The following DNAH1 variants were observed in gnomAD, a reference collection of about 807,000 sequenced individuals.
The protein encoded by DNAH1 is dynein axonemal heavy chain 1, also known as axonemal beta dynein heavy chain 1.
In DNAH1, 327 loss-of-function variants were observed where a neutral mutation model predicts 484.3. That is an observed-to-expected ratio of 0.68 (90% CI 0.62 to 0.74). The LOEUF (loss-of-function observed/expected upper bound fraction) is 0.74. Ranked by LOEUF, DNAH1 falls within the 30% of genes least tolerant of loss-of-function variation. DNAH1 has a pLI of 0.00. For missense variants in DNAH1, 5,052 were observed against 5,546.8 expected (o/e 0.91, Z 2.83); for synonymous variants, 2,192 against 2,191.9 (o/e 1.00, Z 0.00).
At chr3:52,340,970 T>C (rs1375480988) in intron 8 of DNAH1, among the ~76,000 whole-genome samples, 1 of 151,728 alleles carries the variant, frequency 6.6e-6, no homozygotes, top group Non-Finnish European at 1.5e-5. Context: ...CTTCCTTCCT[T>C]CCTCCCTCCC....
chr3:52,347,706 G>A (rs1285074800), intron 11 of DNAH1, 118 bp from the exon 12 acceptor site: 1 of 1,239,186 alleles, frequency 8.1e-7, no homozygotes, highest in Non-Finnish European at 1.1e-6. Flanking sequence ...GAAGGAGAAG[G>A]CAAGTATTGT....
In DNAH1 at chr3:52,369,833, C is replaced by T. The variant is rs1163519078; in HGVS notation, c.5952C>T (p.Thr1984=). 5 of 1,607,902 alleles carry T rather than the reference C, an allele frequency of 3.1e-6. No individual in the cohort carries two copies. The highest frequency in any genetic ancestry group is 4.3e-6 in the Non-Finnish European group (5 of 1,175,454). ...GEIIKLTEAM[T]MMFEVQDLAV... Reference sequence around the variant, plus strand: ...GTTCGTCTTGGCACCAGGCAATGACCATGATGTTCGAGGTGCAAGACCTGG... The same window carrying T: ...GTTCGTCTTGGCACCAGGCAATGACTATGATGTTCGAGGTGCAAGACCTGG... The change falls in exon 38 of 78, where the codon ACC becomes ACT. Residue 1984 remains threonine, a synonymous_variant. Transcript: ENST00000420323.
At chr3:52,392,067 G>A (rs1704414606) in intron 63 of DNAH1, among the ~76,000 whole-genome samples, 1 of 152,218 alleles carries the variant, frequency 6.6e-6, no homozygotes, top group South Asian at 2.1e-4. Context: ...CAGCCCATAG[G>A]CCTGCTTTGT....
In DNAH1 at chr3:52,385,355, G is replaced by C; in HGVS notation, c.8533G>C (p.Asp2845His). 2 of 1,552,474 alleles carry C rather than the reference G, an allele frequency of 1.3e-6. No homozygotes were observed. Among genetic ancestry groups the C allele is most frequent in the Non-Finnish European group, 1.7e-6 (2 of 1,147,390 alleles). The change falls in exon 54 of 78, where the codon GAT becomes CAT. Residue 2845 changes from aspartate to histidine, a missense_variant. Coordinates refer to ENST00000420323, the MANE Select transcript of DNAH1 (RefSeq NM_015512.5). Reference sequence around the variant, plus strand: ...CCCCTAGCTGCTGCGCACTTCTGAGGATGTAGCCAAGATGCAGGAGGACCT... The same window carrying C: ...CCCCTAGCTGCTGCGCACTTCTGAGCATGTAGCCAAGATGCAGGAGGACCT... ...GLDKLLRTSE[D>H]VAKMQEDLES...
chr3:52,352,493 A>T, intron 17 of DNAH1, 59 bp from the exon 18 acceptor site: 1 of 1,568,004 alleles, frequency 6.4e-7, no homozygotes, highest in Non-Finnish European at 8.7e-7. Flanking sequence ...TTTGCATGGG[A>T]AGGCCTGGAC....
At position 52,364,062 on chromosome 3, in the gene DNAH1, T is replaced by C. The variant is rs1487861547; in HGVS notation, c.5245-576T>C. ...GTCAAGCCCAGCCTCTTCATGCAGC[T>C]CCAAGTCCGAGATTTCTGGAACATA... On this transcript the variant is annotated intron_variant, in intron 32 of 77. Transcript: ENST00000420323. This position sits in a 1 kb window ranked among gnomAD's most constrained non-coding sequence, Gnocchi z 4.2. Among the ~76,000 whole-genome samples the C allele has an allele frequency of 6.6e-6, 1 of 152,214 alleles. No homozygotes were observed. The highest frequency in any genetic ancestry group is 1.5e-5 in the Non-Finnish European group (1 of 68,034).
Position 52,346,519 on chromosome 3 carries a change from C to G in DNAH1, c.1704C>G (p.Ala568=), listed in dbSNP as rs1206321186. 1.2e-6 allele frequency: 2 copies of G among 1,613,616 alleles called. No individual in the cohort carries two copies. The highest frequency in any genetic ancestry group is 1.7e-6 in the Non-Finnish European group (2 of 1,179,722). ...GCTGGATCAGCTCGCTAAAGGTGGC[C>G]ATGCGCAGCAGCCTGCGCGACATGA... ...KDSWISSLKV[A]MRSSLRDMSK... is the part of the protein sequence containing the mutation. Residue 568 remains alanine (A), a synonymous_variant, in exon 11 of 78, where the codon GCC becomes GCG. Coordinates refer to ENST00000420323, the MANE Select transcript of DNAH1 (RefSeq NM_015512.5).
chr3:52,376,672 A>T (rs1360295776), intron 46 of DNAH1, among the ~76,000 whole-genome samples: 4 of 151,560 alleles, frequency 2.6e-5, no homozygotes, highest in Non-Finnish European at 5.9e-5. Context: ...CATCTCAACC[A>T]CCAAATGCAA....
intron 67 of DNAH1, 52 bp downstream of exon 67, chr3:52,394,713 C>G: frequency 6.5e-7 from 1 of 1,530,646 alleles, no homozygotes; most frequent in Non-Finnish European, 8.8e-7. Context: ...GGGATGAGTC[C>G]CTAGGAAAGG....
At position 52,327,103 on chromosome 3, in the gene DNAH1, T is replaced by G. The variant is rs1701374790; in HGVS notation, c.738+212T>G. Reference sequence around the variant, plus strand: ...CCCCCAGCCCCCCTAGAATGCTGAGTCTTTGCTTCTTCCCTGGGCAGCCTG... The same window carrying G: ...CCCCCAGCCCCCCTAGAATGCTGAGGCTTTGCTTCTTCCCTGGGCAGCCTG... On this transcript the variant is annotated intron_variant, in intron 5 of 77. Transcript: ENST00000420323. Among the ~76,000 whole-genome samples the G allele has an allele frequency of 2.0e-5, 3 of 150,670 alleles. 1 individual carries two copies. The South Asian group carries it at 6.4e-4, about 32-fold the overall frequency.
intron 3 of DNAH1, among the ~76,000 whole-genome samples, 183 bp from the exon 4 acceptor site, chr3:52,325,957 A>T (rs1701321714): frequency 6.6e-6 from 1 of 152,214 alleles, no homozygotes; most frequent in Non-Finnish European, 1.5e-5. Flanking sequence ...CTCCAGGCTC[A>T]TAGCCCCAGG....
intron 4 of DNAH1, 113 bp downstream of exon 4, chr3:52,326,427 A>G: frequency 1.5e-6 from 2 of 1,297,880 alleles, no homozygotes; most frequent in East Asian, 5.0e-5. Flanking sequence ...GCCTGTGCAC[A>G]AGTGTTTAGA....
Position 52,350,704 on chromosome 3 carries a change from A to G in DNAH1, c.2729+114A>G, listed in dbSNP as rs112952774. The G allele has an allele frequency of 6.7e-5, 66 of 984,618 alleles. 2 individuals carry two copies. The highest frequency in any genetic ancestry group is 4.3e-4 in the African/African-American group (27 of 62,270). The allele number at this position is 984,618 out of a possible 1,614,324, so 61.0% of individuals were successfully genotyped here. A position where few individuals can be genotyped will look rare whatever the true frequency, so the allele number is the denominator to read the frequency against. On this transcript the variant is annotated intron_variant, in intron 16 of 77. Transcript: ENST00000420323. ...CCACAGTCTGTGCAATCTCCCCAGAAACACCCCACTGAGATTTCAGAGGCC... is the reference window on the plus strand; with the variant it reads ...CCACAGTCTGTGCAATCTCCCCAGAGACACCCCACTGAGATTTCAGAGGCC...
chr3:52,382,237 C>G, intron 49 of DNAH1, 83 bp from the exon 50 acceptor site: 1 of 1,604,184 alleles, frequency 6.2e-7, no homozygotes, highest in Non-Finnish European at 8.5e-7. Context: ...TCCAGGTGGT[C>G]AGGGTAGGGT....
At position 52,365,088 on chromosome 3, in the gene DNAH1, A is replaced by G. The variant is rs1322785352; in HGVS notation, c.5518+69A>G. The G allele has an allele frequency of 3.2e-6, 5 of 1,547,458 alleles. No homozygotes were observed. In the East Asian group the frequency reaches 9.1e-5, roughly 28 times the overall value. On this transcript the variant is annotated intron_variant, in intron 34 of 77. Transcript: ENST00000420323. ...CCACCTTGGAGTCCAGGTCAGGGGG[A>G]CAGAGACAGGACAGTCCAACCCCAG...
Position 52,356,771 on chromosome 3 carries a change from A to T in DNAH1, c.3851A>T (p.Asn1284Ile). ...AAGATCATGAAGAATGCCTACGAGA[A>T]CCGGGAGGCAAGCTCAATGAGGGTG... ...WKKIMKNAYE[N>I]REVINVCSDL... Residue 1284 changes from asparagine to isoleucine, a missense_variant, in exon 22 of 78, where the codon AAC becomes ATC. Coordinates refer to ENST00000420323, the MANE Select transcript of DNAH1 (RefSeq NM_015512.5). 1 of 1,603,628 alleles carries T rather than the reference A, an allele frequency of 6.2e-7. No homozygotes were observed. Among genetic ancestry groups the T allele is most frequent in the Non-Finnish European group, 8.5e-7 (1 of 1,174,994 alleles).
Position 52,373,034 on chromosome 3 carries a change from G to A in DNAH1, c.6966G>A (p.Trp2322Ter). 6.2e-7 allele frequency: 1 copy of A among 1,612,434 alleles called. No homozygotes were observed. The highest frequency in any genetic ancestry group is 8.5e-7 in the Non-Finnish European group (1 of 1,179,556). ...GCCAGTGGATGGACCACGGCGGCTG[G>A]TACGACCGCAAGATCATTGGTGAGT... Reference protein sequence around the residue: ...LLRQWMDHGGWYDRKIIGAFK... With the variant: ...LLRQWMDHGG Residue 2322 changes from tryptophan to a stop codon, truncating the protein, a stop_gained, in exon 44 of 78, where the codon TGG becomes TGA. Transcript: ENST00000420323. LOFTEE classifies it high-confidence loss of function.
At chr3:52,389,701 C>T (rs932482584) in intron 60 of DNAH1, 115 bp downstream of exon 60, 8 of 1,188,500 alleles carry the variant, frequency 6.7e-6, no homozygotes, top group Non-Finnish European at 8.6e-6. Flanking sequence ...TCGGAGCTGC[C>T]TCTGCTGAAC....
At chr3:52,399,873 C>G in intron 77 of DNAH1, 94 bp downstream of exon 77, 2 of 1,291,548 alleles carry the variant, frequency 1.5e-6, no homozygotes, top group Non-Finnish European at 2.2e-6. Flanking sequence ...GTTAGCTGAA[C>G]AAGGAAGGAC....
Sources: allele counts gnomAD v4.1 joint callset (sites outside exome capture counted in the v4.1 genomes callset), GRCh38; gene constraint gnomAD v4.1.1; non-coding constraint Gnocchi (gnomAD v3.1); transcripts MANE v1.5; gene names NCBI Gene and HGNC (gene_info 2026-07-23, HGNC 2026-07-21).